Variants in PPP4R3A observed in about 807,000 individuals in gnomAD.
The protein encoded by PPP4R3A is protein phosphatase 4 regulatory subunit 3A.
A neutral mutation model predicts 91.7 loss-of-function variants in PPP4R3A; 15 were observed. That is an observed-to-expected ratio of 0.16 (90% CI 0.11 to 0.25). The LOEUF is 0.25. Among genes scored for constraint, PPP4R3A ranks in the 10% least tolerant of loss-of-function variants. PPP4R3A has a pLI of 1.00. For missense variants in PPP4R3A, 623 were observed against 998.4 expected (o/e 0.62, Z 5.07); for synonymous variants, 377 against 348.7 (o/e 1.08, Z -0.91).
chr14:91,480,913 T>C (rs1000369405), intron 4 of PPP4R3A, among the ~76,000 whole-genome samples: 17 of 152,004 alleles, frequency 1.1e-4, no homozygotes, highest in African/African-American at 3.9e-4. Flanking sequence ...CATGCATCTG[T>C]AGTCTTAGCT....
Position 91,462,800 on chromosome 14 carries a change from T to C in PPP4R3A, c.1908A>G (p.Thr636=), listed in dbSNP as rs1888240723. Residue 636 remains threonine, a synonymous_variant, in exon 12 of 15, where the codon ACA becomes ACG. Coordinates refer to ENST00000554943, the MANE Select transcript of PPP4R3A (RefSeq NM_001366432.2). The part of the protein sequence containing the change: ...KALEDVDYVQ[T]FKGLKLRFEQ... ...CAAATCTCAGTTTTAATCCTTTAAA[T>C]GTCTGTACATAATCTACATCTTCCA... 1 of 1,612,798 alleles carries C rather than the reference T, an allele frequency of 6.2e-7. No individual in the cohort carries two copies. The highest frequency in any genetic ancestry group is 8.5e-7 in the Non-Finnish European group (1 of 1,178,914).
At chr14:91,490,209 A>G (rs1031034280) in intron 2 of PPP4R3A, among the ~76,000 whole-genome samples, 1 of 152,246 alleles carries the variant, frequency 6.6e-6, no homozygotes, top group African/African-American at 2.4e-5. Context: ...TGAAAGATTT[A>G]CTTTCTAATA....
intron 1 of PPP4R3A, among the ~76,000 whole-genome samples, chr14:91,498,171 C>G (rs1374558189): frequency 6.6e-6 from 1 of 152,054 alleles, no homozygotes; most frequent in Non-Finnish European, 1.5e-5. Context: ...CCCGTCTCTA[C>G]TAAAAATATA....
intron 1 of PPP4R3A, among the ~76,000 whole-genome samples, chr14:91,505,670 G>C (rs1367048252): frequency 6.6e-6 from 1 of 151,780 alleles, no homozygotes; most frequent in Non-Finnish European, 1.5e-5. Flanking sequence ...AGTTTTTTTG[G>C]GGAAAAGCTA....
At chr14:91,507,891 G>A (rs576831822) in intron 1 of PPP4R3A, among the ~76,000 whole-genome samples, 3 of 152,150 alleles carry the variant, frequency 2.0e-5, no homozygotes, top group African/African-American at 4.8e-5. Flanking sequence ...GGAGGCCGAG[G>A]CGGGTGGACT....
intron 11 of PPP4R3A, 122 bp from the exon 12 acceptor site, chr14:91,462,999 G>C (rs1378805621): frequency 1.3e-6 from 1 of 771,372 alleles, no homozygotes; most frequent in Non-Finnish European, 2.0e-6. Context: ...CATAATCTTA[G>C]AGATAACCAA....
intron 11 of PPP4R3A, among the ~76,000 whole-genome samples, chr14:91,463,543 C>CCCA (rs1888291492): frequency 6.6e-6 from 1 of 152,038 alleles, no homozygotes; most frequent in South Asian, 2.1e-4. Context: ...AAGCAATCCT[C>CCCA]CCACCTCAGC....
intron 1 of PPP4R3A, among the ~76,000 whole-genome samples, chr14:91,508,400 C>T (rs1375406045): frequency 6.6e-6 from 1 of 152,102 alleles, no homozygotes; most frequent in Non-Finnish European, 1.5e-5. Flanking sequence ...GAAGAAAATT[C>T]CTTGAAATTA....
chr14:91,475,767 C>A, intron 7 of PPP4R3A, 44 bp downstream of exon 7: 1 of 1,531,956 alleles, frequency 6.5e-7, no homozygotes, highest in Non-Finnish European at 8.9e-7. Flanking sequence ...ACAGTTATAG[C>A]TTCCTATGTA....
rs559988689 is a variant in PPP4R3A at position 91,476,560 on chromosome 14, T to C, written c.994-36A>G. ...AAAAAAGGATAAGTGATATAAAAAGTTTATTTTATTTATTTATTTATTGAG... is the reference window on the plus strand; with the variant it reads ...AAAAAAGGATAAGTGATATAAAAAGCTTATTTTATTTATTTATTTATTGAG... On this transcript the variant is annotated intron_variant, in intron 5 of 14. Transcript: ENST00000554943. 10 of 1,337,080 alleles carry C rather than the reference T, an allele frequency of 7.5e-6. No individual in the cohort carries two copies. In the South Asian group the frequency reaches 1.3e-4, roughly 17 times the overall value. 82.8% of individuals were successfully genotyped at this position (1,337,080 alleles called of 1,614,324 possible). A position where few individuals can be genotyped will look rare whatever the true frequency, so the allele number is the denominator to read the frequency against.
intron 2 of PPP4R3A, 121 bp downstream of exon 2, chr14:91,490,626 G>T: frequency 1.4e-6 from 1 of 726,880 alleles, no homozygotes. Flanking sequence ...TCCTATTTTA[G>T]AATTTCACTG....
intron 2 of PPP4R3A, among the ~76,000 whole-genome samples, chr14:91,486,680 G>A (rs1237557432): frequency 1.3e-5 from 2 of 152,092 alleles, no homozygotes; most frequent in Admixed American, 6.6e-5. Flanking sequence ...AGCACTTTGG[G>A]AGGCTGAGGT....
At chr14:91,474,506 G>C (rs920880901) in intron 7 of PPP4R3A, 1 of 152,028 alleles carries the variant, frequency 6.6e-6, no homozygotes, top group Non-Finnish European at 1.5e-5. Context: ...GAAAAAAAAA[G>C]AGTCCTACTG....
chr14:91,495,984 C>G (rs572699808), intron 1 of PPP4R3A, among the ~76,000 whole-genome samples: 6 of 152,112 alleles, frequency 3.9e-5, no homozygotes, highest in Non-Finnish European at 8.8e-5. Flanking sequence ...AATATTCATA[C>G]AATGGATACC....
chr14:91,476,286 C>T, intron 6 of PPP4R3A, 122 bp downstream of exon 6: 1 of 810,056 alleles, frequency 1.2e-6, no homozygotes, highest in South Asian at 1.6e-5. Flanking sequence ...GCTTCTTTAA[C>T]TTAATGAACT....
chr14:91,476,257 C>A, intron 6 of PPP4R3A, 151 bp downstream of exon 6: 1 of 723,806 alleles, frequency 1.4e-6, no homozygotes. Context: ...TGAAAACTGT[C>A]TAATATTGGA....
intron 1 of PPP4R3A, 146 bp downstream of exon 1, chr14:91,509,360 C>T (rs1342802836): frequency 1.0e-5 from 12 of 1,161,874 alleles, no homozygotes; most frequent in Admixed American, 2.5e-5. Flanking sequence ...GACTGGGGTA[C>T]CTGGGGCCCG....
intron 10 of PPP4R3A, among the ~76,000 whole-genome samples, chr14:91,467,920 T>G (rs1186163014): frequency 6.6e-6 from 1 of 152,222 alleles, no homozygotes; most frequent in South Asian, 2.1e-4. Context: ...ATACTATACC[T>G]AATACTTCAA....
In PPP4R3A at chr14:91,462,240, CTAT is replaced by C; in HGVS notation, c.1974-4_1974-2del. ...GTGATTCCTCAAAATGGAACGCATA[CTAT>C]GAGTAGGGAAGAAAGAGTAAATACA... On this transcript the variant is annotated splice_acceptor_variant and splice_polypyrimidine_tract_variant and intron_variant, in intron 12 of 14. Transcript: ENST00000554943. LOFTEE classifies it high-confidence loss of function. The C allele has an allele frequency of 6.3e-7, 1 of 1,577,132 alleles. No individual in the cohort carries two copies. The highest frequency in any genetic ancestry group is 8.6e-7 in the Non-Finnish European group (1 of 1,166,640).
Sources: gnomAD v4.1 joint callset for allele counts (sites outside exome capture counted in the v4.1 genomes callset) on GRCh38, gnomAD v4.1.1 for gene constraint, MANE v1.5 for transcripts, NCBI Gene and HGNC (gene_info 2026-07-23, HGNC 2026-07-21) for gene names.